Variants in CDK12 observed in about 807,000 individuals in gnomAD.
CDK12 encodes the protein cyclin-dependent kinase 12.
CDK12 carries 17 observed loss-of-function variants against 133.8 expected under a neutral mutation model. The observed-to-expected ratio is 0.13, with a 90% confidence interval of 0.09 to 0.19. The LOEUF is 0.19. Among genes scored for constraint, CDK12 ranks in the 10% least tolerant of loss-of-function variants. The probability of loss-of-function intolerance (pLI) is 1.00; values close to 1 mark genes in which losing one functional copy is unlikely to be tolerated. For missense variants in CDK12, 1,508 were observed against 1,818.7 expected (o/e 0.83, Z 3.11); for synonymous variants, 694 against 683.6 (o/e 1.02, Z -0.24).
intron 8 of CDK12, among the ~76,000 whole-genome samples, 166 bp from the exon 9 acceptor site, chr17:39,515,563 GTC>G (rs555250635): frequency 8.9e-4 from 135 of 152,234 alleles, no homozygotes; most frequent in African/African-American, 3.0e-3. Context: ...TCTTTATACT[GTC>G]TGTTTCACTG....
At chr17:39,530,384 A>G (rs1376753518) in intron 13 of CDK12, 3 of 535,992 alleles carry the variant, frequency 5.6e-6, no homozygotes, top group Non-Finnish European at 9.1e-6. Flanking sequence ...CATTTGAAAC[A>G]TATGATATTT....
chr17:39,476,030 A>T (rs961053576), intron 2 of CDK12, among the ~76,000 whole-genome samples: 3 of 152,002 alleles, frequency 2.0e-5, no homozygotes, highest in Admixed American at 6.6e-5. Flanking sequence ...TTGTTTACAT[A>T]GTGGCTAGAA....
chr17:39,498,228 T>C (rs1413336483), intron 5 of CDK12, among the ~76,000 whole-genome samples: 1 of 151,476 alleles, frequency 6.6e-6, no homozygotes, highest in East Asian at 1.9e-4. Flanking sequence ...TTTTGTTTTA[T>C]TTTGTTTTTT....
At chr17:39,535,209 A>G (rs2055078230), downstream of CDK12, 2 of 152,304 alleles carry the variant, frequency 1.3e-5, no homozygotes, top group Middle Eastern at 3.4e-3. Context: ...CCTGCTAGTT[A>G]TGACAAATGG....
intron 12 of CDK12, 124 bp downstream of exon 12, chr17:39,525,009 A>AG: frequency 1.4e-6 from 1 of 721,514 alleles, no homozygotes; most frequent in South Asian, 1.9e-5. Flanking sequence ...CCATTAGGAA[A>AG]GAGGTTAATG....
At chr17:39,487,392 A>G (rs1048835239) in intron 2 of CDK12, among the ~76,000 whole-genome samples, 6 of 152,304 alleles carry the variant, frequency 3.9e-5, no homozygotes, top group African/African-American at 1.2e-4. Flanking sequence ...TTTGTGGTCT[A>G]GGAAATATTC....
chr17:39,540,875 C>G (rs7503069), intron 1 of CDK12, among the ~76,000 whole-genome samples: 95,955 of 152,070 alleles, frequency 0.63, 32,953 homozygotes, highest in South Asian at 0.89. Flanking sequence ...ACCCTCCATT[C>G]CCTGCAGCAG....
chr17:39,496,912 CTTTTTTTTTTTTTT>C (rs71147349), intron 5 of CDK12, among the ~76,000 whole-genome samples: 5 of 87,834 alleles, frequency 5.7e-5, no homozygotes, highest in East Asian at 3.5e-4. Flanking sequence ...TTCAGTATAT[CTTTTTTTTTTTTTT>C]TTTTTTTTTT....
At chr17:39,481,669 TC>T (rs2050697429) in intron 2 of CDK12, among the ~76,000 whole-genome samples, 2 of 13,920 alleles carry the variant, frequency 1.4e-4, no homozygotes, top group Non-Finnish European at 2.4e-4. Flanking sequence ...TCTCTCTCTC[TC>T]TCTCTCTCTC....
intron 2 of CDK12, among the ~76,000 whole-genome samples, chr17:39,490,299 A>G (rs2051481999): frequency 1.3e-5 from 2 of 151,844 alleles, no homozygotes; most frequent in African/African-American, 4.8e-5. Context: ...CCCAGGAGGC[A>G]GAGGTTGTAG....
intron 5 of CDK12, among the ~76,000 whole-genome samples, chr17:39,500,624 G>C (rs778244754): frequency 2.6e-5 from 4 of 152,040 alleles, no homozygotes; most frequent in Non-Finnish European, 5.9e-5. Flanking sequence ...CAGAGTGAGA[G>C]TCTGTCTTTA....
chr17:39,466,486 T>C (rs1455591220), intron 1 of CDK12, among the ~76,000 whole-genome samples: 1 of 148,940 alleles, frequency 6.7e-6, no homozygotes, highest in African/African-American at 2.5e-5. Context: ...TGGTGTCACA[T>C]GCCTGTAATC....
chr17:39,557,647 C>A (rs2056209725), intron 3 of CDK12, among the ~76,000 whole-genome samples: 1 of 152,220 alleles, frequency 6.6e-6, no homozygotes, highest in South Asian at 2.1e-4. Flanking sequence ...ACCTGCTTCT[C>A]TTCTGAGATT....
At chr17:39,466,033 G>T (rs34904106) in intron 1 of CDK12, among the ~76,000 whole-genome samples, 1 of 152,028 alleles carries the variant, frequency 6.6e-6, no homozygotes, top group African/African-American at 2.4e-5. Flanking sequence ...GAGGCTGGGC[G>T]TGGTGGCTTA....
At chr17:39,517,326 A>G in intron 9 of CDK12, 114 bp from the exon 10 acceptor site, 1 of 685,046 alleles carries the variant, frequency 1.5e-6, no homozygotes, top group South Asian at 1.8e-5. Flanking sequence ...CCTGTAATGT[A>G]ATAACCAAAG....
rs1430360752 is a variant in CDK12 at position 39,533,319 on chromosome 17, C to A, written c.*2003C>A. ...CAGTTAGATTTACTAGGCTTACTGA[C>A]ATGCTATTGGTAAATCGCATTAAAG... is the stretch of plus-strand genomic sequence containing the variant. On this transcript the variant is annotated 3_prime_UTR_variant, in exon 14 of 14. Transcript: ENST00000447079. 2 of 232,938 alleles carry A rather than the reference C, an allele frequency of 8.6e-6. No homozygotes were observed. Among genetic ancestry groups the A allele is most frequent in the African/African-American group, 4.4e-5 (2 of 45,318 alleles). The allele number at this position is 232,938 out of a possible 1,614,324, so 14.4% of individuals were successfully genotyped here.
At chr17:39,563,781 G>A (rs1283733319) in intron 3 of CDK12, among the ~76,000 whole-genome samples, 1 of 150,794 alleles carries the variant, frequency 6.6e-6, no homozygotes, top group Non-Finnish European at 1.5e-5. Flanking sequence ...GAGAGGGAGA[G>A]TGAGAGTGAG....
upstream of CDK12, chr17:39,547,953 G>A (rs2055791764): frequency 6.6e-6 from 1 of 152,250 alleles, no homozygotes; most frequent in African/African-American, 2.4e-5. Flanking sequence ...AAACGTCCCT[G>A]GATGTAGTCA....
chr17:39,484,654 A>G (rs942631707), intron 2 of CDK12, among the ~76,000 whole-genome samples: 3 of 152,196 alleles, frequency 2.0e-5, no homozygotes, highest in Admixed American at 2.0e-4. Context: ...CTTGAAATAA[A>G]CATGCTAAAA....
Sources: gnomAD v4.1 joint callset for allele counts (sites outside exome capture counted in the v4.1 genomes callset) on GRCh38, gnomAD v4.1.1 for gene constraint, MANE v1.5 for transcripts, NCBI Gene and HGNC (gene_info 2026-07-23, HGNC 2026-07-21) for gene names.